The following TRAPPC9 variants were observed in gnomAD, a reference collection of about 807,000 sequenced individuals.
TRAPPC9 encodes the protein trafficking protein particle complex subunit 9, also known as IKK2 binding protein.
Under a neutral mutation model 124.0 loss-of-function variants are expected in TRAPPC9, and 83 were observed. The ratio of observed to expected loss-of-function variants is 0.67; its 90% CI spans 0.56 to 0.80. TRAPPC9 has a LOEUF of 0.80. Among genes scored for constraint, TRAPPC9 ranks in the 30% least tolerant of loss-of-function variants. The pLI, the probability that TRAPPC9 is intolerant of heterozygous loss-of-function variation, is 0.00. For missense variants in TRAPPC9, 1,302 were observed against 1,508.3 expected, an observed-to-expected ratio of 0.86 and a Z score of 2.27; for synonymous variants, 638 against 617.5, an observed-to-expected ratio of 1.03 and a Z score of -0.49.
chr8:140,258,013 C>A (rs2064309264), intron 15 of TRAPPC9, among the ~76,000 whole-genome samples: 1 of 152,222 alleles, frequency 6.6e-6, no homozygotes, highest in Non-Finnish European at 1.5e-5. Flanking sequence ...CAAAAAAACA[C>A]ACCAGTGGGC....
intron 21 of TRAPPC9, among the ~76,000 whole-genome samples, chr8:139,833,146 C>T (rs1826100381): frequency 6.6e-6 from 1 of 152,152 alleles, no homozygotes; most frequent in Non-Finnish European, 1.5e-5. Flanking sequence ...CTGAATTCTG[C>T]CAACAATAAG....
chr8:140,100,839 C>A (rs56242925), intron 17 of TRAPPC9, among the ~76,000 whole-genome samples: 3,676 of 152,292 alleles, frequency 0.024, 48 homozygotes, highest in South Asian at 0.044. Context: ...GGGCCTCTTC[C>A]GTGCCTTTCC....
intron 21 of TRAPPC9, among the ~76,000 whole-genome samples, chr8:139,872,208 T>C (rs1828957663): frequency 9.4e-6 from 1 of 105,980 alleles, no homozygotes; most frequent in African/African-American, 3.6e-5. Context: ...GAGTAAATGG[T>C]TGGATGGATC....
At chr8:140,315,148 T>G (rs2066408793) in intron 9 of TRAPPC9, among the ~76,000 whole-genome samples, 1 of 152,114 alleles carries the variant, frequency 6.6e-6, no homozygotes. Flanking sequence ...AGAAAGGTGA[T>G]CTCTCATAGC....
intron 20 of TRAPPC9, chr8:139,908,827 T>C (rs1831525528): frequency 6.6e-6 from 1 of 152,208 alleles, no homozygotes; most frequent in African/African-American, 2.4e-5. Context: ...CTGTGGGGAA[T>C]ACAAGGGAAA....
chr8:139,802,216 T>A (rs1274476870), intron 21 of TRAPPC9, among the ~76,000 whole-genome samples: 1 of 152,112 alleles, frequency 6.6e-6, no homozygotes, highest in Non-Finnish European at 1.5e-5. Context: ...ACAAATGTAC[T>A]TGGAGTGAAG....
intron 21 of TRAPPC9, among the ~76,000 whole-genome samples, chr8:139,858,988 T>A (rs567496922): frequency 6.7e-6 from 1 of 150,366 alleles, no homozygotes; most frequent in South Asian, 2.2e-4. Context: ...GTTTCAGATA[T>A]CTCTGAGATG....
chr8:140,207,620 T>C (rs140126069), intron 17 of TRAPPC9, among the ~76,000 whole-genome samples: 4 of 152,234 alleles, frequency 2.6e-5, no homozygotes, highest in Non-Finnish European at 5.9e-5. Flanking sequence ...CACCTAGCAC[T>C]GCAAAGATTC....
At chr8:140,385,538 C>A (rs961728869) in intron 7 of TRAPPC9, among the ~76,000 whole-genome samples, 8 of 152,138 alleles carry the variant, frequency 5.3e-5, no homozygotes, top group African/African-American at 1.9e-4. Flanking sequence ...ACTATAAACA[C>A]CTCTATGCAA....
At chr8:139,773,814 CT>C (rs1255344446) in intron 21 of TRAPPC9, among the ~76,000 whole-genome samples, 4 of 152,272 alleles carry the variant, frequency 2.6e-5, no homozygotes, top group Non-Finnish European at 5.9e-5. Context: ...CAATTCAGCT[CT>C]TCCTATGTGC....
intron 21 of TRAPPC9, among the ~76,000 whole-genome samples, chr8:139,857,011 G>A (rs1358577168): frequency 1.3e-5 from 2 of 152,042 alleles, no homozygotes; most frequent in Non-Finnish European, 2.9e-5. Context: ...GGGTGATAAG[G>A]AGCAACGGGA....
rs371493442 is a variant in TRAPPC9, at chr8:140,292,936, A to G, written c.1769-1858T>C. 2.1e-4 allele frequency among the ~76,000 whole-genome samples: 30 copies of G among 141,082 alleles called. No homozygotes were observed. The East Asian group carries it at 4.8e-3, about 23-fold the overall frequency. The allele number at this position is 141,082 out of a possible 152,430, so 92.6% of individuals were successfully genotyped here. On this transcript the variant is annotated intron_variant, in intron 11 of 22. Transcript: ENST00000438773. ...CATCAGAGTGAACAGGCAACCTACA[A>G]AATGGGAGAAAATTTTCGCAACCTA...
chr8:139,734,816 G>A (rs1818051401), intron 21 of TRAPPC9, among the ~76,000 whole-genome samples: 2 of 152,248 alleles, frequency 1.3e-5, no homozygotes, highest in South Asian at 4.1e-4. Flanking sequence ...TAGGGCCCAG[G>A]GAAGTAGCCC....
chr8:140,142,791 C>A (rs1272868480), intron 17 of TRAPPC9, among the ~76,000 whole-genome samples: 2 of 152,204 alleles, frequency 1.3e-5, no homozygotes, highest in African/African-American at 4.8e-5. Flanking sequence ...AAATTAGCCT[C>A]TCCAAACCTT....
At chr8:139,927,630 T>C (rs1371221360) in intron 19 of TRAPPC9, among the ~76,000 whole-genome samples, 1 of 152,064 alleles carries the variant, frequency 6.6e-6, no homozygotes, top group African/African-American at 2.4e-5. Context: ...GCAATGAAAA[T>C]ACGTCTATGC....
At chr8:139,854,954 C>A (rs571420048) in intron 21 of TRAPPC9, among the ~76,000 whole-genome samples, 1 of 152,328 alleles carries the variant, frequency 6.6e-6, no homozygotes, top group Admixed American at 6.5e-5. Flanking sequence ...TGATGGGGTA[C>A]CGAGCCTTGG....
chr8:140,236,608 G>A (rs1248506996), intron 16 of TRAPPC9, among the ~76,000 whole-genome samples: 2 of 152,076 alleles, frequency 1.3e-5, no homozygotes, highest in Non-Finnish European at 2.9e-5. Flanking sequence ...ATTACTGTAT[G>A]TAAGTTACAC....
At chr8:140,312,599 G>C (rs979540694) in intron 9 of TRAPPC9, among the ~76,000 whole-genome samples, 2 of 152,136 alleles carry the variant, frequency 1.3e-5, no homozygotes, top group Non-Finnish European at 2.9e-5. Context: ...CAAAGAGCAG[G>C]TAAGTAGCTG....
chr8:139,981,769 G>A (rs2131668928), intron 19 of TRAPPC9, among the ~76,000 whole-genome samples: 1 of 152,340 alleles, frequency 6.6e-6, no homozygotes, highest in South Asian at 2.1e-4. Flanking sequence ...GGAGCCCCCA[G>A]GTTGGCCATT....
Sources: allele counts gnomAD v4.1 joint callset (sites outside exome capture counted in the v4.1 genomes callset), GRCh38; gene constraint gnomAD v4.1.1; transcripts MANE v1.5; gene names NCBI Gene and HGNC (gene_info 2026-07-23, HGNC 2026-07-21).